Variants in PREX1 observed in about 807,000 individuals in gnomAD.
PREX1 encodes the protein phosphatidylinositol-3,4,5-trisphosphate dependent Rac exchange factor 1, also known as phosphatidylinositol 3,4,5-trisphosphate-dependent Rac exchanger 1 protein.
PREX1 carries 41 observed loss-of-function variants against 198.3 expected under a neutral mutation model. The observed-to-expected ratio is 0.21, with a 90% CI of 0.16 to 0.27. PREX1 has a LOEUF of 0.27. Ranked by LOEUF, PREX1 falls within the 10% of genes least tolerant of loss-of-function variation. The pLI is 1.00. For missense variants in PREX1, 1,620 were observed against 2,200.7 expected (o/e 0.74, Z 5.28); for synonymous variants, 843 against 887.2 (o/e 0.95, Z 0.89).
At chr20:48,877,978 G>T in the PREX1 span, among the ~76,000 whole-genome samples, 1 of 152,126 alleles carries the variant, frequency 6.6e-6, no homozygotes, top group African/African-American at 2.4e-5. Flanking sequence ...GCATGGTGGT[G>T]TATGCCTATA....
chr20:48,745,333 C>T (rs569551128), intron 2 of PREX1, among the ~76,000 whole-genome samples, 186 bp from the exon 3 acceptor site: 159 of 152,340 alleles, frequency 1.0e-3, no homozygotes, highest in Non-Finnish European at 1.7e-3. Context: ...TATTTATTTA[C>T]TATAATCGGA....
chr20:48,631,122 C>G (rs1351211270), intron 35 of PREX1, among the ~76,000 whole-genome samples: 2 of 152,182 alleles, frequency 1.3e-5, no homozygotes, highest in Admixed American at 1.3e-4. Context: ...TCTCATGGCT[C>G]TGGGCTTACT....
intron 13 of PREX1, among the ~76,000 whole-genome samples, chr20:48,677,798 C>T (rs569328056): frequency 6.6e-6 from 1 of 151,768 alleles, no homozygotes; most frequent in East Asian, 2.0e-4. Context: ...CCAGCCTGGC[C>T]AACATGGTGA....
At chr20:48,726,753 C>A (rs2090012481) in intron 4 of PREX1, among the ~76,000 whole-genome samples, 1 of 152,206 alleles carries the variant, frequency 6.6e-6, no homozygotes, top group African/African-American at 2.4e-5. Context: ...CATTCCTGGT[C>A]TAGAGAAGCT....
intron 6 of PREX1, among the ~76,000 whole-genome samples, chr20:48,708,001 G>A (rs1052609269): frequency 6.6e-6 from 1 of 152,164 alleles, no homozygotes; most frequent in Non-Finnish European, 1.5e-5. Context: ...GGGTGGTGGG[G>A]ACTGAAGGAA....
intron 1 of PREX1, among the ~76,000 whole-genome samples, chr20:48,806,642 G>A (rs11904898): frequency 0.16 from 23,738 of 152,168 alleles, 2,508 homozygotes; most frequent in Non-Finnish European, 0.23. Context: ...CTTGCCCCAG[G>A]TCACACTCCC....
intron 1 of PREX1, among the ~76,000 whole-genome samples, chr20:48,765,814 G>A (rs895387616): frequency 3.3e-5 from 5 of 152,222 alleles, no homozygotes; most frequent in African/African-American, 9.7e-5. Context: ...TCCCTGGGCC[G>A]TGGGCTGTTA....
At chr20:48,822,003 G>T (rs1035090658) in intron 1 of PREX1, 2 of 152,106 alleles carry the variant, frequency 1.3e-5, no homozygotes, top group Non-Finnish European at 2.9e-5. Flanking sequence ...CACTGCCCAG[G>T]ATATACAGCA....
At chr20:48,626,045 A>T in intron 39 of PREX1, 118 bp from the exon 40 acceptor site, 3 of 1,135,348 alleles carry the variant, frequency 2.6e-6, no homozygotes, top group Non-Finnish European at 3.7e-6. Flanking sequence ...TCACAGGTAT[A>T]TAAAAGATGC....
intron 1 of PREX1, among the ~76,000 whole-genome samples, chr20:48,768,737 T>C (rs1184888772): frequency 6.6e-6 from 1 of 151,310 alleles, no homozygotes; most frequent in Non-Finnish European, 1.5e-5. Flanking sequence ...ATCATGCCAC[T>C]GCACTCCAGC....
intron 4 of PREX1, among the ~76,000 whole-genome samples, chr20:48,730,477 C>T (rs149094205): frequency 9.9e-5 from 15 of 151,590 alleles, no homozygotes; most frequent in Middle Eastern, 3.4e-3. Context: ...CGTTCATAGA[C>T]GATGCTAGAA....
At chr20:48,715,930 T>C (rs1022353480) in intron 5 of PREX1, among the ~76,000 whole-genome samples, 2 of 152,158 alleles carry the variant, frequency 1.3e-5, no homozygotes, top group Admixed American at 1.3e-4. Context: ...GTTAAAACCC[T>C]CTTGCCCAAG....
At position 48,625,933 on chromosome 20, in the gene PREX1, G is replaced by A. The variant is rs772288436; in HGVS notation, c.4938-6C>T. The A allele has an allele frequency of 3.0e-5, 47 of 1,553,018 alleles. No homozygotes were observed. Among genetic ancestry groups the A allele is most frequent in the Non-Finnish European group, 3.8e-5 (44 of 1,152,722 alleles). On this transcript the variant is annotated splice_polypyrimidine_tract_variant and splice_region_variant and intron_variant, in intron 39 of 39. Transcript: ENST00000371941. ...GCTGGCAGAGGCGGTAGAGGCTGGG[G>A]ATGGAGGCAAAGAGAATGAGGAGAG...
chr20:48,859,605 G>A, the PREX1 span, among the ~76,000 whole-genome samples: 1,935 of 152,300 alleles, frequency 0.013, 39 homozygotes, highest in African/African-American at 0.044. Context: ...ATTACTGGTA[G>A]GAATGTAAAA....
chr20:48,728,969 CA>C (rs1364000199), intron 4 of PREX1, among the ~76,000 whole-genome samples: 33 of 152,194 alleles, frequency 2.2e-4, no homozygotes, highest in Admixed American at 2.2e-3. Flanking sequence ...GATGAGGCGT[CA>C]ACCTCATGGT....
At chr20:48,721,313 T>C (rs902564406) in intron 5 of PREX1, among the ~76,000 whole-genome samples, 2 of 152,036 alleles carry the variant, frequency 1.3e-5, no homozygotes, top group Non-Finnish European at 2.9e-5. Context: ...AGCAGTGCTA[T>C]GAAGAAAAAT....
chr20:48,681,706 G>A (rs1021256897), intron 10 of PREX1, among the ~76,000 whole-genome samples: 15 of 152,148 alleles, frequency 9.9e-5, no homozygotes, highest in Non-Finnish European at 1.9e-4. Context: ...ATGGATGGAC[G>A]GACGGATGGA....
At chr20:48,750,504 TAAATA>T (rs2090129534) in intron 1 of PREX1, among the ~76,000 whole-genome samples, 1 of 152,114 alleles carries the variant, frequency 6.6e-6, no homozygotes, top group African/African-American at 2.4e-5. Context: ...CACCTCAATA[TAAATA>T]ATCTTCAGCC....
At chr20:48,658,902 T>C (rs2089567047) in intron 16 of PREX1, among the ~76,000 whole-genome samples, 3 of 151,942 alleles carry the variant, frequency 2.0e-5, no homozygotes, top group African/African-American at 7.2e-5. Flanking sequence ...ACAAAGGTCC[T>C]GAGGGAGGCC....
Sources: allele counts gnomAD v4.1 joint callset (sites outside exome capture counted in the v4.1 genomes callset), GRCh38; gene constraint gnomAD v4.1.1; transcripts MANE v1.5; gene names NCBI Gene and HGNC (gene_info 2026-07-23, HGNC 2026-07-21).